Variants in CSMD3 observed in about 807,000 individuals in gnomAD.
The protein encoded by CSMD3 is CUB and Sushi multiple domains 3.
A neutral mutation model predicts 435.2 loss-of-function variants in CSMD3; 177 were observed. The observed-to-expected ratio is 0.41, with a 90% CI of 0.36 to 0.46. The LOEUF (loss-of-function observed/expected upper bound fraction) is 0.46, where lower values mean the gene tolerates loss of function less well. CSMD3 is among the 20% of genes least tolerant of loss of function. The pLI is 0.34. For missense variants in CSMD3, 4,265 were observed against 4,504.6 expected (o/e 0.95, Z 1.52); for synonymous variants, 1,656 against 1,520.5 (o/e 1.09, Z -2.07).
At chr8:112,960,715 G>A (rs935913299) in intron 7 of CSMD3, among the ~76,000 whole-genome samples, 1 of 151,604 alleles carries the variant, frequency 6.6e-6, no homozygotes, top group Non-Finnish European at 1.5e-5. Flanking sequence ...AGTTCTTAAA[G>A]TACAGAAAAA....
At chr8:112,475,250 C>T (rs1284730979) in intron 31 of CSMD3, among the ~76,000 whole-genome samples, 1 of 152,146 alleles carries the variant, frequency 6.6e-6, no homozygotes, top group African/African-American at 2.4e-5. Context: ...CCTACATTAA[C>T]ACGTGTCTGA....
intron 22 of CSMD3, among the ~76,000 whole-genome samples, chr8:112,591,512 G>GA (rs1339713006): frequency 5.3e-5 from 8 of 152,042 alleles, no homozygotes; most frequent in Non-Finnish European, 8.8e-5. Context: ...CTGGATATCT[G>GA]AAAAATGTCT....
At chr8:113,047,294 T>C (rs2087877927) in intron 5 of CSMD3, among the ~76,000 whole-genome samples, 1 of 152,244 alleles carries the variant, frequency 6.6e-6, no homozygotes, top group Non-Finnish European at 1.5e-5. Flanking sequence ...AGGAAGGGAT[T>C]TTCTGTTTTG....
At chr8:112,758,222 C>A (rs533682377) in intron 13 of CSMD3, among the ~76,000 whole-genome samples, 78 of 152,024 alleles carry the variant, frequency 5.1e-4, no homozygotes, top group Admixed American at 7.9e-4. Context: ...GGCATGGTGG[C>A]AGGCACCTAT....
intron 32 of CSMD3, among the ~76,000 whole-genome samples, chr8:112,440,453 G>T (rs1814874539): frequency 6.6e-6 from 1 of 152,144 alleles, no homozygotes; most frequent in South Asian, 2.1e-4. Flanking sequence ...CGCTCAAGCT[G>T]TCAATGGATC....
chr8:113,233,104 A>T (rs1237887261), intron 3 of CSMD3, among the ~76,000 whole-genome samples: 1 of 151,900 alleles, frequency 6.6e-6, no homozygotes, highest in Non-Finnish European at 1.5e-5. Context: ...TATTTAAAAA[A>T]TTAGGTATAA....
At chr8:113,397,754 C>T (rs997187345) in intron 1 of CSMD3, among the ~76,000 whole-genome samples, 1 of 151,726 alleles carries the variant, frequency 6.6e-6, no homozygotes, top group Non-Finnish European at 1.5e-5. Flanking sequence ...GTAGGCGGAG[C>T]TTGCAGTGAG....
chr8:113,070,901 T>C (rs1335975191), intron 5 of CSMD3, among the ~76,000 whole-genome samples: 1 of 152,026 alleles, frequency 6.6e-6, no homozygotes, highest in Non-Finnish European at 1.5e-5. Context: ...CTCCATACTA[T>C]TTACCATAAA....
intron 55 of CSMD3, among the ~76,000 whole-genome samples, chr8:112,291,982 A>G (rs1041262664): frequency 6.6e-6 from 1 of 152,066 alleles, no homozygotes; most frequent in Admixed American, 6.6e-5. Context: ...GCTATAGCTG[A>G]ACTGTAAGAA....
chr8:113,325,065 G>A (rs548417336), intron 1 of CSMD3, among the ~76,000 whole-genome samples: 1 of 152,352 alleles, frequency 6.6e-6, no homozygotes, highest in South Asian at 2.1e-4. Context: ...TATCTAGGAA[G>A]TAACTAACTT....
chr8:112,984,891 C>T (rs1423657516), intron 6 of CSMD3, among the ~76,000 whole-genome samples: 2 of 151,972 alleles, frequency 1.3e-5, no homozygotes, highest in Non-Finnish European at 1.5e-5. Flanking sequence ...CTAAACCATC[C>T]TAACTGTAAA....
intron 16 of CSMD3, among the ~76,000 whole-genome samples, chr8:112,667,925 A>C (rs2075563903): frequency 6.6e-6 from 1 of 152,154 alleles, no homozygotes; most frequent in African/African-American, 2.4e-5. Context: ...TTCTGAAAAC[A>C]ATTGCTCTAG....
At chr8:112,942,306 T>C (rs2083475542) in intron 9 of CSMD3, among the ~76,000 whole-genome samples, 1 of 151,476 alleles carries the variant, frequency 6.6e-6, no homozygotes, top group African/African-American at 2.4e-5. Context: ...AAAAGCAGTT[T>C]TGCAATTTCT....
At chr8:113,281,037 A>T (rs530073948) in intron 2 of CSMD3, among the ~76,000 whole-genome samples, 1 of 151,326 alleles carries the variant, frequency 6.6e-6, no homozygotes, top group South Asian at 2.1e-4. Context: ...TATAATTTTA[A>T]TTTTTTCTTT....
chr8:112,498,405 T>G (rs1291638349), intron 30 of CSMD3, among the ~76,000 whole-genome samples: 1 of 152,096 alleles, frequency 6.6e-6, no homozygotes, highest in Non-Finnish European at 1.5e-5. Flanking sequence ...TTGAAATTGA[T>G]TAAGCTGGGG....
chr8:113,417,509 A>C (rs77105346), intron 1 of CSMD3, among the ~76,000 whole-genome samples: 2,745 of 152,098 alleles, frequency 0.018, 95 homozygotes, highest in African/African-American at 0.06. Flanking sequence ...CCTCAATGAT[A>C]TCTTGAACAC....
intron 65 of CSMD3, 57 bp from the exon 66 acceptor site, chr8:112,241,842 G>GCGCA: frequency 1.7e-6 from 1 of 601,416 alleles, no homozygotes; most frequent in East Asian, 4.1e-5. Context: ...ACATACACAT[G>GCGCA]CGCACACACA....
rs182911391 is a variant in CSMD3 at position 113,206,307 on chromosome 8, T to C, written c.515-32391A>G. 5.2e-3 allele frequency among the ~76,000 whole-genome samples: 786 copies of C among 152,288 alleles called. 11 individuals are homozygous for C. The highest frequency in any genetic ancestry group is 0.018 in the African/African-American group (757 of 41,576). ...TCACTTACAAGTGGCTTTACTACCA[T>C]TGCCATCCATCAAAATTCTATACTC... is the stretch of plus-strand genomic sequence containing the variant. On this transcript the variant is annotated intron_variant, in intron 3 of 70. Transcript: ENST00000297405.
chr8:113,350,038 T>C (rs1385075391), intron 1 of CSMD3, among the ~76,000 whole-genome samples: 1 of 152,004 alleles, frequency 6.6e-6, no homozygotes, highest in Admixed American at 6.6e-5. Context: ...GAAGTCTAAC[T>C]ACTTGGTACA....
Sources: allele counts gnomAD v4.1 joint callset (sites outside exome capture counted in the v4.1 genomes callset), GRCh38; gene constraint gnomAD v4.1.1; transcripts MANE v1.5; gene names NCBI Gene and HGNC (gene_info 2026-07-23, HGNC 2026-07-21).